Variants in TEX13C observed in about 807,000 individuals in gnomAD.
TEX13C encodes testis-expressed protein 13C.
For missense variants in TEX13C, 480 were observed against 298.7 expected (o/e 1.61, Z -4.47); for synonymous variants, 219 against 116.6 (o/e 1.88, Z -5.65).
At chrX:125,320,379 T>C (rs1478005027) in exon 1 of TEX13C, 1 of 515,940 alleles carries the variant, frequency 1.9e-6, no homozygotes, top group Non-Finnish European at 3.5e-6. Context: ...GAGGAGCTGC[T>C]GTACCAGGTT....
Position 125,320,839 on chromosome X carries a change from G to A in TEX13C, c.720G>A (p.Met240Ile), listed in dbSNP as rs1224651855. The stretch of plus-strand genomic sequence containing the variant: ...TCCCATTCCATATGCCTTCACCAAT[G>A]GGACTGCCATACTCAACACCTCTAC... Residue 240 changes from methionine to isoleucine, a missense_variant, in exon 1 of 1, where the codon ATG (methionine) becomes ATA (isoleucine). Coordinates refer to ENST00000632600, the Ensembl canonical transcript of TEX13C. 5.8e-6 allele frequency: 3 copies of A among 515,169 alleles called. No individual in the cohort carries two copies. The Admixed American group carries it at 7.9e-5, about 14-fold the overall frequency. The allele number at this position is 515,169 out of a possible 1,213,427, so 42.5% of individuals were successfully genotyped here.
At chrX:125,320,277 T>C (rs2018822743) in exon 1 of TEX13C, 2 of 515,103 alleles carry the variant, frequency 3.9e-6, no homozygotes, top group Admixed American at 2.6e-5. Flanking sequence ...CTTCGGGCCA[T>C]TGTGGCCGAC....
exon 1 of TEX13C, chrX:125,321,032 G>A: frequency 1.9e-6 from 1 of 515,432 alleles, no homozygotes; most frequent in South Asian, 2.5e-5. Flanking sequence ...TTTCCAGGGA[G>A]TATATCACCC....
At chrX:125,320,446 C>G in exon 1 of TEX13C, 1 of 515,828 alleles carries the variant, frequency 1.9e-6, no homozygotes, top group Non-Finnish European at 3.5e-6. Context: ...CTCTAACTTC[C>G]CAGCTGCAGC....
rs747192664 is a variant in TEX13C, at chrX:125,321,684, A to G, written c.1565A>G (p.Lys522Arg). 87 of 495,487 alleles carry G rather than the reference A, an allele frequency of 1.8e-4. No homozygotes were observed. In the African/African-American group the frequency reaches 2.6e-3, roughly 15 times the overall value. 40.8% of individuals were successfully genotyped at this position (495,487 alleles called of 1,213,427 possible). Reference sequence around the variant, plus strand: ...GAGCTGGTCCCCCTGGGGGACAGCAAGAGTCACAGGATGAAGAAAGATCCA... The same window carrying G: ...GAGCTGGTCCCCCTGGGGGACAGCAGGAGTCACAGGATGAAGAAAGATCCA... Residue 522 changes from lysine to arginine, a missense_variant, in exon 1 of 1, where the codon AAG becomes AGG. Coordinates refer to ENST00000632600, the Ensembl canonical transcript of TEX13C.
exon 1 of TEX13C, chrX:125,323,614 C>T (rs1482829425): frequency 9.0e-6 from 1 of 110,901 alleles, no homozygotes; most frequent in Non-Finnish European, 1.9e-5. Flanking sequence ...ATATTGTATT[C>T]TAGAAACACT....
chrX:125,320,262 A>AT lies in TEX13C; in HGVS notation c.143_144insT (p.Arg49ProfsTer16). 1 of 515,819 alleles carries AT rather than the reference A, an allele frequency of 1.9e-6. No homozygotes were observed. The highest frequency in any genetic ancestry group is 3.5e-6 in the Non-Finnish European group (1 of 287,041). 42.5% of individuals were successfully genotyped at this position (515,819 alleles called of 1,213,427 possible). On this transcript the variant is annotated frameshift_variant, in exon 1 of 1. Transcript: ENST00000632600. LOFTEE classifies it low-confidence loss of function (END_TRUNC). ...TCGCGGCCGTGGAACGAGGTAGAGG[A>AT]CCGGCTTCGGGCCATTGTGGCCGAC...
At chrX:125,322,281 A>T (rs1181442308) in exon 1 of TEX13C, 17 of 485,095 alleles carry the variant, frequency 3.5e-5, no homozygotes, top group African/African-American at 3.0e-5. Context: ...GTGGTGCCCC[A>T]GGGCACAGCT....
exon 1 of TEX13C, chrX:125,321,266 C>G: frequency 1.9e-6 from 1 of 514,547 alleles, no homozygotes; most frequent in Middle Eastern, 3.1e-4. Flanking sequence ...GAAGAAAGAT[C>G]CAGTTGTGCC....
upstream of TEX13C, chrX:125,320,060 C>T (rs962524883): frequency 1.3e-5 from 6 of 454,186 alleles, no homozygotes; most frequent in South Asian, 6.3e-5. Flanking sequence ...GTACCGGAAG[C>T]GGCGGCGGCA....
chrX:125,320,479 G>A (rs2018825636), exon 1 of TEX13C: 1 of 514,934 alleles, frequency 1.9e-6, no homozygotes, highest in Non-Finnish European at 3.5e-6. Flanking sequence ...AGCATGAGGA[G>A]GTGGCAACAC....
Position 125,322,588 on chromosome X carries a change from C to T in TEX13C, c.2469C>T (p.Pro823=), listed in dbSNP as rs6637319. Residue 823 remains proline (P), a synonymous_variant, in exon 1 of 1, where the codon CCC becomes CCT. Transcript: ENST00000632600. ...GCCTGAAGAAAGAGTTAGTGATGCC[C>T]GAGGAGATGGTCCCCCTGGGGGACA... 6.7e-5 allele frequency: 34 copies of T among 510,103 alleles called. No homozygotes were observed. In the East Asian group the frequency reaches 7.3e-4, roughly 11 times the overall value. 42.0% of individuals were successfully genotyped at this position (510,103 alleles called of 1,213,427 possible). A position where few individuals can be genotyped will look rare whatever the true frequency, so the allele number is the denominator to read the frequency against.
chrX:125,322,905 C>T (rs1190318785), exon 1 of TEX13C: 2 of 513,641 alleles, frequency 3.9e-6, no homozygotes, highest in African/African-American at 4.6e-5. Context: ...AAACACCAGC[C>T]TCAGGGGCAG....
exon 1 of TEX13C, chrX:125,324,266 A>G (rs188897254): frequency 8.9e-6 from 1 of 112,027 alleles, no homozygotes; most frequent in Non-Finnish European, 1.9e-5. Flanking sequence ...TGGCATACAC[A>G]TTAGATCAGG....
At chrX:125,321,251 A>G (rs1227352551) in exon 1 of TEX13C, 2 of 513,931 alleles carry the variant, frequency 3.9e-6, no homozygotes, top group Admixed American at 2.6e-5. Flanking sequence ...CAACAGCCAC[A>G]GCCTGAAGAA....
At chrX:125,320,227 G>A in exon 1 of TEX13C, 1 of 515,797 alleles carries the variant, frequency 1.9e-6, no homozygotes, top group Non-Finnish European at 3.5e-6. Context: ...CCTTTTACAC[G>A]GCCTTCCGCT....
At chrX:125,319,980 A>C (rs966237877), upstream of TEX13C, 6 of 438,462 alleles carry the variant, frequency 1.4e-5, no homozygotes, top group Non-Finnish European at 2.4e-5. Context: ...GGAGGAGGCC[A>C]GGACTGAGCA....
At chrX:125,320,666 A>T (rs1292710013) in exon 1 of TEX13C, 1 of 515,494 alleles carries the variant, frequency 1.9e-6, no homozygotes, top group Admixed American at 2.6e-5. Flanking sequence ...TGCAGAACAG[A>T]GTGAGGCGGT....
At chrX:125,323,518 GT>G (rs756409113) in exon 1 of TEX13C, 124 of 101,962 alleles carry the variant, frequency 1.2e-3, no homozygotes, top group African/African-American at 1.8e-3. Flanking sequence ...ACCATTTTCT[GT>G]TTTTTTTTTT....
Sources: allele counts gnomAD v4.1 joint callset, GRCh38; gene constraint gnomAD v4.1.1; transcripts MANE v1.5; gene names NCBI Gene and HGNC (gene_info 2026-07-23, HGNC 2026-07-21).